Variants in LINC00632 observed in about 807,000 individuals in gnomAD.
The protein encoded by LINC00632 is long independently transcribed non-coding RNA 632, also known as ALDOA related specific transcript.
intron 3 of LINC00632, among the ~76,000 whole-genome samples, chrX:140,768,874 A>G (rs188471695): frequency 6.4e-4 from 68 of 105,650 alleles, no homozygotes; most frequent in Non-Finnish European, 1.2e-3. Flanking sequence ...ACATATTAGT[A>G]TAGGACCTAG....
At chrX:140,747,529 CAAAAAAAA>C (rs376796176) in intron 3 of LINC00632, among the ~76,000 whole-genome samples, 103 of 63,231 alleles carry the variant, frequency 1.6e-3, no homozygotes, top group Middle Eastern at 0.021. Context: ...AAACTCCATC[CAAAAAAAA>C]AAAAAAAAAA....
intron 3 of LINC00632, among the ~76,000 whole-genome samples, chrX:140,763,076 G>A (rs1181970256): frequency 9.0e-6 from 1 of 111,537 alleles, no homozygotes; most frequent in South Asian, 3.7e-4. Context: ...TTATTGTCTT[G>A]TTTGTTAAAG....
At chrX:140,747,415 G>A (rs1207866240) in intron 3 of LINC00632, among the ~76,000 whole-genome samples, 3 of 108,661 alleles carry the variant, frequency 2.8e-5, no homozygotes, top group South Asian at 4.1e-4. Flanking sequence ...CTGTAATCCC[G>A]GCTACTCGGG....
At chrX:140,788,361 G>A (rs967190883) in exon 5 of LINC00632, among the ~76,000 whole-genome samples, 1 of 110,040 alleles carries the variant, frequency 9.1e-6, no homozygotes, top group Middle Eastern at 4.7e-3. Context: ...AAAAATAAAA[G>A]AGGGCCTTGC....
At chrX:140,721,722 A>G (rs1930731353) in intron 2 of LINC00632, among the ~76,000 whole-genome samples, 1 of 111,170 alleles carries the variant, frequency 9.0e-6, no homozygotes, top group Non-Finnish European at 1.9e-5. Flanking sequence ...CTAATAACAT[A>G]GACTGACTCT....
chrX:140,783,445 A>AC, exon 5 of LINC00632: 1 of 673,170 alleles, frequency 1.5e-6, no homozygotes, highest in Non-Finnish European at 2.2e-6. Context: ...GTCTTCCAGG[A>AC]AATCCATGTC....
At chrX:140,726,448 ACACT>A (rs1354724176) in intron 2 of LINC00632, among the ~76,000 whole-genome samples, 1 of 111,145 alleles carries the variant, frequency 9.0e-6, no homozygotes, top group Non-Finnish European at 1.9e-5. Flanking sequence ...TTTACACCAA[ACACT>A]CACACTCATC....
At chrX:140,718,977 C>T (rs571966692) in intron 2 of LINC00632, among the ~76,000 whole-genome samples, 1 of 111,900 alleles carries the variant, frequency 8.9e-6, no homozygotes, top group South Asian at 3.7e-4. Context: ...AAACAATCCA[C>T]AAGCCATAGA....
At chrX:140,774,457 A>G (rs1291969154) in exon 5 of LINC00632, among the ~76,000 whole-genome samples, 1 of 111,802 alleles carries the variant, frequency 8.9e-6, no homozygotes, top group African/African-American at 3.3e-5. Flanking sequence ...GCAAACAGGA[A>G]AACAGGAAGT....
In LINC00632 at chrX:140,738,530, G is replaced by C. The variant is rs1046488242; in HGVS notation, n.191+4566G>C. On this transcript the variant is annotated intron_variant and non_coding_transcript_variant, in intron 3 of 4. Transcript: ENST00000648200. The stretch of plus-strand genomic sequence containing the variant: ...AAAATGTCCTGGAAGGGATGTTTTT[G>C]TTTTGTTGATAAATACATATTTTGA... Among the ~76,000 whole-genome samples, 5 of 111,987 alleles carry C rather than the reference G, an allele frequency of 4.5e-5. No individual in the cohort carries two copies. In the Admixed American group the frequency reaches 4.7e-4, roughly 11 times the overall value.
At chrX:140,755,196 G>A (rs1931474225) in intron 3 of LINC00632, among the ~76,000 whole-genome samples, 1 of 112,189 alleles carries the variant, frequency 8.9e-6, no homozygotes, top group Non-Finnish European at 1.9e-5. Flanking sequence ...GAGGTGCTGA[G>A]CTACTGTGAT....
exon 5 of LINC00632, among the ~76,000 whole-genome samples, chrX:140,775,317 G>C: frequency 8.9e-6 from 1 of 111,963 alleles, no homozygotes; most frequent in Non-Finnish European, 1.9e-5. Flanking sequence ...AAAAGTTATT[G>C]TCATGGTTGT....
In LINC00632 at chrX:140,741,428, G is replaced by A. The variant is rs1273769212; in HGVS notation, n.191+7464G>A. Among the ~76,000 whole-genome samples, 3 of 111,885 alleles carry A rather than the reference G, an allele frequency of 2.7e-5. No homozygotes were observed. The East Asian group carries it at 8.5e-4, about 32-fold the overall frequency. On this transcript the variant is annotated intron_variant and non_coding_transcript_variant, in intron 3 of 4. Transcript: ENST00000648200. ...CTGTTGTCAAAAGGGCTGGGTTGAG[G>A]CACCTGGATGCAAATTGCAGAAATG... is the stretch of plus-strand genomic sequence containing the variant.
intron 2 of LINC00632, among the ~76,000 whole-genome samples, chrX:140,723,813 GACACACATTCCATGCACAC>G (rs1930822176): frequency 3.2e-4 from 1 of 3,107 alleles, no homozygotes; most frequent in South Asian, 0.015. Context: ...CACATACACA[GACACACATTCCATGCACAC>G]ACACACATTC....
exon 4 of LINC00632, among the ~76,000 whole-genome samples, chrX:140,772,991 C>A (rs1931824971): frequency 9.0e-6 from 1 of 111,381 alleles, no homozygotes; most frequent in Admixed American, 9.5e-5. Context: ...CATGGTGAAA[C>A]CTTGTCTCTA....
intron 3 of LINC00632, among the ~76,000 whole-genome samples, chrX:140,760,499 G>A (rs112398352): frequency 0.013 from 1,493 of 111,512 alleles, 21 homozygotes; most frequent in African/African-American, 0.045. Context: ...GGCCGGGCGC[G>A]GTGGCTCACG....
At chrX:140,759,137 T>C (rs1385971747) in intron 3 of LINC00632, among the ~76,000 whole-genome samples, 12 of 100,705 alleles carry the variant, frequency 1.2e-4, no homozygotes, top group Non-Finnish European at 2.3e-4. Flanking sequence ...GTTAATTTTG[T>C]ATTTTTTTTT....
intron 3 of LINC00632, among the ~76,000 whole-genome samples, chrX:140,763,705 T>G (rs1424055785): frequency 8.1e-5 from 9 of 111,576 alleles, no homozygotes; most frequent in African/African-American, 2.3e-4. Context: ...ACTGGCCTGG[T>G]TGTTTTCCGT....
chrX:140,759,291 TC>T lies in LINC00632; in HGVS notation n.192-12785del, dbSNP rs57074349. ...CCCAGGCCTCTTTTCTTTCTTTCTT[TC>T]CTTCCTTCCTTCCTTCCTTCCTTCC... On this transcript the variant is annotated intron_variant and non_coding_transcript_variant, in intron 3 of 4. Transcript: ENST00000648200. Among the ~76,000 whole-genome samples, 264 of 28,304 alleles carry T rather than the reference TC, an allele frequency of 9.3e-3. 1 individual carries two copies. The highest frequency in any genetic ancestry group is 0.031 in the African/African-American group (243 of 7,759). 24.6% of individuals were successfully genotyped at this position (28,304 alleles called of 115,157 possible). A position where few individuals can be genotyped will look rare whatever the true frequency, so the allele number is the denominator to read the frequency against.
Sources: allele counts gnomAD v4.1 joint callset (sites outside exome capture counted in the v4.1 genomes callset), GRCh38; gene constraint gnomAD v4.1.1; transcripts MANE v1.5; gene names NCBI Gene and HGNC (gene_info 2026-07-23, HGNC 2026-07-21).